PTPRQ: variants seen among roughly 807,000 people sequenced by gnomAD.
The protein encoded by PTPRQ is phosphatidylinositol phosphatase PTPRQ.
In PTPRQ, 199 loss-of-function variants were observed where a neutral mutation model predicts 246.0. That is an observed-to-expected ratio of 0.81 (90% CI 0.72 to 0.91). The LOEUF (loss-of-function observed/expected upper bound fraction) is 0.91. PTPRQ is among the 40% of genes least tolerant of loss of function. PTPRQ has a pLI of 0.00. For synonymous variants in PTPRQ, 869 were observed against 853.2 expected, an observed-to-expected ratio of 1.02 and a Z score of -0.32; for missense variants, 2,624 against 2,528.4, an observed-to-expected ratio of 1.04 and a Z score of -0.81.
rs1355552837 is a variant in PTPRQ, at chr12:80,675,197, C to T, written c.6738+1893C>T. On this transcript the variant is annotated intron_variant, in intron 43 of 44. Transcript: ENST00000644991. ...ATGGGTAGTTTCACAGGTCCTCACA[C>T]TTAAAAGGGCCCTGAAATTGGTTTA... is the stretch of plus-strand genomic sequence containing the variant. 2.6e-5 allele frequency among the ~76,000 whole-genome samples: 4 copies of T among 152,120 alleles called. 1 individual carries two copies. Among genetic ancestry groups the T allele is most frequent in the African/African-American group, 7.2e-5 (3 of 41,434 alleles).
intron 25 of PTPRQ, among the ~76,000 whole-genome samples, chr12:80,560,768 T>C (rs1896799586): frequency 6.6e-6 from 1 of 152,232 alleles, no homozygotes. Context: ...TCCAGCTGTT[T>C]TTTTCTTTGG....
At chr12:80,515,826 G>A (rs1895280389) in intron 17 of PTPRQ, among the ~76,000 whole-genome samples, 2 of 145,346 alleles carry the variant, frequency 1.4e-5, no homozygotes, top group African/African-American at 5.1e-5. Flanking sequence ...TCTTTATCAT[G>A]AATATTTCTT....
At chr12:80,618,255 T>G (rs1898840789) in intron 30 of PTPRQ, among the ~76,000 whole-genome samples, 1 of 150,778 alleles carries the variant, frequency 6.6e-6, no homozygotes, top group South Asian at 2.1e-4. Context: ...ATAAAAACAA[T>G]GTTGATAATC....
In PTPRQ at chr12:80,444,294, T is replaced by A. The variant is rs1359698982; in HGVS notation, c.-52T>A. On this transcript the variant is annotated 5_prime_UTR_variant, in exon 1 of 45. Coordinates refer to ENST00000644991, the MANE Select transcript of PTPRQ (RefSeq NM_001145026.2). The stretch of plus-strand genomic sequence containing the variant: ...CTTTAAATCATTAATGCAGGCAACA[T>A]TTCTCTCTAGAGCCATCAATGTGAT... The A allele has an allele frequency of 1.1e-6, 1 of 940,586 alleles. No individual in the cohort carries two copies. Among genetic ancestry groups the A allele is most frequent in the Non-Finnish European group, 1.7e-6 (1 of 597,704 alleles). 58.3% of individuals were successfully genotyped at this position (940,586 alleles called of 1,614,324 possible).
intron 6 of PTPRQ, 66 bp from the exon 7 acceptor site, chr12:80,468,644 G>C: frequency 1.5e-6 from 2 of 1,368,074 alleles, no homozygotes; most frequent in Non-Finnish European, 9.5e-7. Context: ...TTTATTATGT[G>C]TATTTAATAG....
In PTPRQ at chr12:80,459,150, A is replaced by G. The variant is rs375966906; in HGVS notation, c.461-134A>G. ...TTTTAGGCAAAGTTCAGTTAAATAC[A>G]TTTATAAAAATCTTACACAAATAGA... On this transcript the variant is annotated intron_variant, in intron 4 of 44. Coordinates refer to ENST00000644991, the MANE Select transcript of PTPRQ (RefSeq NM_001145026.2). The G allele has an allele frequency of 4.8e-4, 190 of 394,496 alleles. 4 individuals carry two copies. The South Asian group carries it at 0.016, about 34-fold the overall frequency. The allele number at this position is 394,496 out of a possible 1,614,324, so 24.4% of individuals were successfully genotyped here.
chr12:80,615,601 G>A, intron 29 of PTPRQ, among the ~76,000 whole-genome samples: 1 of 151,118 alleles, frequency 6.6e-6, no homozygotes, highest in South Asian at 2.1e-4. Flanking sequence ...GCATTATGCA[G>A]GTTATAGCGT....
chr12:80,456,530 G>A (rs1036659217), intron 3 of PTPRQ, among the ~76,000 whole-genome samples: 2 of 152,112 alleles, frequency 1.3e-5, no homozygotes, highest in Admixed American at 1.3e-4. Context: ...TTAATGTGCT[G>A]TAAGAAACTA....
At position 80,679,864 on chromosome 12, in the gene PTPRQ, G is replaced by T. The variant is rs1413406083; in HGVS notation, c.*841G>T. The T allele has an allele frequency of 1.3e-5, 2 of 151,832 alleles. No individual in the cohort carries two copies. The highest frequency in any genetic ancestry group is 2.4e-5 in the African/African-American group (1 of 41,382). The allele number at this position is 151,832 out of a possible 1,614,324, so 9.4% of individuals were successfully genotyped here. A position where few individuals can be genotyped will look rare whatever the true frequency, so the allele number is the denominator to read the frequency against. On this transcript the variant is annotated 3_prime_UTR_variant, in exon 45 of 45. Coordinates refer to ENST00000644991, the MANE Select transcript of PTPRQ (RefSeq NM_001145026.2). ...TCTGAAGAGTTTCTTCAGCAAAAATGTATCAAAAGAGTAATAAAAACACTG... is the reference window on the plus strand; with the variant it reads ...TCTGAAGAGTTTCTTCAGCAAAAATTTATCAAAAGAGTAATAAAAACACTG...
At chr12:80,577,264 G>T (rs1287237494) in intron 25 of PTPRQ, among the ~76,000 whole-genome samples, 1 of 152,164 alleles carries the variant, frequency 6.6e-6, no homozygotes. Context: ...AGCATGACTG[G>T]GGAGGCCTCA....
At chr12:80,664,068 G>T (rs1900713081) in intron 39 of PTPRQ, among the ~76,000 whole-genome samples, 1 of 151,618 alleles carries the variant, frequency 6.6e-6, no homozygotes, top group African/African-American at 2.4e-5. Flanking sequence ...CCCAAACTTT[G>T]CTAAATAAAA....
intron 9 of PTPRQ, among the ~76,000 whole-genome samples, chr12:80,487,958 C>G (rs1479339173): frequency 6.6e-6 from 1 of 152,064 alleles, no homozygotes; most frequent in Non-Finnish European, 1.5e-5. Flanking sequence ...GTGTTCTCAT[C>G]TGGAGGCTTG....
chr12:80,625,608 T>C (rs1157855151), intron 33 of PTPRQ, among the ~76,000 whole-genome samples: 1 of 152,074 alleles, frequency 6.6e-6, no homozygotes, highest in African/African-American at 2.4e-5. Context: ...TTAAGTTTAG[T>C]GAAAGGGACT....
At chr12:80,472,860 C>T (rs1324107820) in intron 8 of PTPRQ, among the ~76,000 whole-genome samples, 1 of 152,086 alleles carries the variant, frequency 6.6e-6, no homozygotes, top group Non-Finnish European at 1.5e-5. Flanking sequence ...CTTTCAGGCC[C>T]ACACTGAACT....
chr12:80,664,134 T>C (rs1900715133), intron 39 of PTPRQ, among the ~76,000 whole-genome samples: 1 of 151,960 alleles, frequency 6.6e-6, no homozygotes. Context: ...AAATTCATGA[T>C]CACGCCAAAA....
At chr12:80,671,742 C>G (rs1311830432) in intron 42 of PTPRQ, among the ~76,000 whole-genome samples, 2 of 152,038 alleles carry the variant, frequency 1.3e-5, no homozygotes, top group Non-Finnish European at 2.9e-5. Flanking sequence ...TCTCCAAATT[C>G]ACCCCTGCTC....
At chr12:80,495,155 C>CT (rs573558033) in intron 11 of PTPRQ, 37 bp from the exon 12 acceptor site, 9 of 1,547,364 alleles carry the variant, frequency 5.8e-6, no homozygotes, top group East Asian at 4.9e-5. Context: ...CACTGTGATA[C>CT]TTTTTTTTCA....
In PTPRQ at chr12:80,610,480, T is replaced by C. The variant is rs1356772412; in HGVS notation, c.4773T>C (p.Asn1591=). ...TTAATATATCCTTCATCAAGTCAAA[T>C]GAAGAAAATAAAACCATAGAAATTA... The part of the protein sequence containing the change: ...DEFNISFIKS[N]EENKTIEIKD... The change falls in exon 28 of 45, where the codon AAT becomes AAC. Residue 1591 remains asparagine, a synonymous_variant. Coordinates refer to ENST00000644991, the MANE Select transcript of PTPRQ (RefSeq NM_001145026.2). 2.0e-6 allele frequency: 3 copies of C among 1,520,882 alleles called. No individual in the cohort carries two copies. The highest frequency in any genetic ancestry group is 2.8e-5 in the African/African-American group (2 of 71,280). The allele number at this position is 1,520,882 out of a possible 1,614,324, so 94.2% of individuals were successfully genotyped here.
At chr12:80,596,643 G>A (rs1469262086) in intron 26 of PTPRQ, among the ~76,000 whole-genome samples, 1 of 152,004 alleles carries the variant, frequency 6.6e-6, no homozygotes, top group Non-Finnish European at 1.5e-5. Flanking sequence ...GAAGTGTAAA[G>A]TAGGTGTAAT....
Sources: gnomAD v4.1 joint callset for allele counts (sites outside exome capture counted in the v4.1 genomes callset) on GRCh38, gnomAD v4.1.1 for gene constraint, MANE v1.5 for transcripts, NCBI Gene and HGNC (gene_info 2026-07-23, HGNC 2026-07-21) for gene names.